Variants in ZNF567 observed in about 807,000 individuals in gnomAD.
ZNF567 encodes the protein zinc finger protein 567.
In ZNF567, 36 loss-of-function variants were observed where a neutral mutation model predicts 53.9. That is an observed-to-expected ratio of 0.67 (90% CI 0.51 to 0.88). The LOEUF (loss-of-function observed/expected upper bound fraction) is 0.88. ZNF567 is among the 40% of genes least tolerant of loss of function. The pLI is 0.00. For missense variants in ZNF567, 619 were observed against 764.7 expected (o/e 0.81, Z 2.25); for synonymous variants, 224 against 260.4 (o/e 0.86, Z 1.35).
chr19:36,705,360 G>A (rs998304208), intron 3 of ZNF567, among the ~76,000 whole-genome samples: 52 of 151,980 alleles, frequency 3.4e-4, no homozygotes, highest in African/African-American at 1.2e-3. Flanking sequence ...CTATTTAAAG[G>A]GCTCCCAAGT....
chr19:36,718,208 A>G (rs2040149264), intron 5 of ZNF567, among the ~76,000 whole-genome samples: 1 of 152,138 alleles, frequency 6.6e-6, no homozygotes, highest in African/African-American at 2.4e-5. Flanking sequence ...GTATAAAAGT[A>G]TTGGTGATCA....
intron 3 of ZNF567, among the ~76,000 whole-genome samples, chr19:36,700,788 T>C (rs1355307315): frequency 2.0e-5 from 3 of 152,246 alleles, no homozygotes; most frequent in Non-Finnish European, 2.9e-5. Context: ...TCATCTTTTA[T>C]TGCGTCTATT....
chr19:36,672,043 A>G, the ZNF567 span, among the ~76,000 whole-genome samples: 1 of 152,208 alleles, frequency 6.6e-6, no homozygotes, highest in African/African-American at 2.4e-5. Context: ...GAGGTAGAGA[A>G]GACTCAGGCC....
intron 3 of ZNF567, among the ~76,000 whole-genome samples, chr19:36,709,639 T>G (rs1305886392): frequency 1.3e-5 from 2 of 151,154 alleles, no homozygotes; most frequent in African/African-American, 4.9e-5. Context: ...CTATTAGCAT[T>G]TTTGATGGTG....
downstream of ZNF567, chr19:36,727,339 T>C (rs1030609445): frequency 6.6e-6 from 1 of 151,682 alleles, no homozygotes; most frequent in Admixed American, 6.6e-5. Context: ...CCCAAAGTGC[T>C]GGGATTACAG....
At chr19:36,697,929 T>C in intron 3 of ZNF567, among the ~76,000 whole-genome samples, 1 of 151,634 alleles carries the variant, frequency 6.6e-6, no homozygotes, top group African/African-American at 2.4e-5. Flanking sequence ...TTTTTTTTTT[T>C]TTTTTTTATT....
At position 36,720,255 on chromosome 19, in the gene ZNF567, G is replaced by A; in HGVS notation, c.1531G>A (p.Gly511Ser). The A allele has an allele frequency of 1.9e-6, 3 of 1,613,952 alleles. No individual in the cohort carries two copies. Among genetic ancestry groups the A allele is most frequent in the Non-Finnish European group, 2.5e-6 (3 of 1,179,960 alleles). ...GAAACCATATGAATGTAATGAATGTGGTAAATCATTCAGTCAAAAGACAAA... is the reference window on the plus strand; with the variant it reads ...GAAACCATATGAATGTAATGAATGTAGTAAATCATTCAGTCAAAAGACAAA... ...GEKPYECNEC[G>S]KSFSQKTNLN... The change falls in exon 6 of 6, where the codon GGT (glycine) becomes AGT (serine). Residue 511 changes from glycine (G) to serine (S), a missense_variant. Coordinates refer to ENST00000682579, the MANE Select transcript of ZNF567 (RefSeq NM_001322917.1).
downstream of ZNF567, among the ~76,000 whole-genome samples, chr19:36,725,483 G>A (rs2040331995): frequency 6.6e-6 from 1 of 152,168 alleles, no homozygotes; most frequent in South Asian, 2.1e-4. Context: ...GATCACAGGT[G>A]TAAGCCACTG....
chr19:36,689,234 AGAGT>A (rs949776479), intron 1 of ZNF567, among the ~76,000 whole-genome samples, 159 bp from the exon 2 acceptor site: 3 of 108,628 alleles, frequency 2.8e-5, no homozygotes, highest in Admixed American at 1.8e-4. Flanking sequence ...TTCCTATTTG[AGAGT>A]GTGTGTGTGT....
intron 2 of ZNF567, among the ~76,000 whole-genome samples, chr19:36,690,539 C>G (rs1050915087): frequency 6.6e-6 from 1 of 152,038 alleles, no homozygotes; most frequent in South Asian, 2.1e-4. Context: ...TGCAGTGAGC[C>G]GTGATCACAC....
At chr19:36,686,490 A>G (rs2038275209), upstream of ZNF567, 1 of 151,210 alleles carries the variant, frequency 6.6e-6, no homozygotes, top group African/African-American at 2.4e-5. Context: ...GGGAAAGGCC[A>G]GGGTCACTGA....
the ZNF567 span, among the ~76,000 whole-genome samples, chr19:36,674,087 T>A: frequency 6.6e-6 from 1 of 152,348 alleles, no homozygotes; most frequent in East Asian, 1.9e-4. Flanking sequence ...ACACTGTTTA[T>A]TCTCAAACAT....
At chr19:36,710,318 C>T (rs1362932398) in intron 3 of ZNF567, among the ~76,000 whole-genome samples, 1 of 119,456 alleles carries the variant, frequency 8.4e-6, no homozygotes, top group Non-Finnish European at 1.6e-5. Flanking sequence ...AATCTGACAT[C>T]AGGGCCCACT....
At chr19:36,686,722 T>A (rs1600479339), upstream of ZNF567, 1 of 152,412 alleles carries the variant, frequency 6.6e-6, no homozygotes, top group Non-Finnish European at 1.5e-5. Context: ...AGGTCTGTCC[T>A]TTTTCTGTTT....
chr19:36,672,453 G>T, the ZNF567 span, among the ~76,000 whole-genome samples: 7 of 152,170 alleles, frequency 4.6e-5, no homozygotes. Context: ...CCCATTCTGT[G>T]GATATCAGTC....
chr19:36,683,482 C>G (rs1470271164), upstream of ZNF567, among the ~76,000 whole-genome samples: 1 of 152,086 alleles, frequency 6.6e-6, no homozygotes, highest in Admixed American at 6.6e-5. Context: ...CTGAATGAAA[C>G]CTGTGCATGG....
At chr19:36,705,961 A>G (rs988590469) in intron 3 of ZNF567, among the ~76,000 whole-genome samples, 2 of 152,158 alleles carry the variant, frequency 1.3e-5, no homozygotes, top group African/African-American at 2.4e-5. Context: ...ATTGTATGGT[A>G]TCTTTGTTCT....
downstream of ZNF567, chr19:36,727,016 T>TTCTTTCTTTCTTTCTTTC (rs2040338314): frequency 2.7e-5 from 4 of 147,348 alleles, no homozygotes; most frequent in Non-Finnish European, 3.0e-5. Flanking sequence ...CTTTCCTTTT[T>TTCTTTCTTTCTTTCTTTC]TTTTTTCCTG....
At chr19:36,683,531 T>G (rs2038217882), upstream of ZNF567, among the ~76,000 whole-genome samples, 1 of 152,074 alleles carries the variant, frequency 6.6e-6, no homozygotes, top group African/African-American at 2.4e-5. Context: ...ACTGGATTGG[T>G]GGATTTAAAA....
Sources: allele counts gnomAD v4.1 joint callset (sites outside exome capture counted in the v4.1 genomes callset), GRCh38; gene constraint gnomAD v4.1.1; transcripts MANE v1.5; gene names NCBI Gene and HGNC (gene_info 2026-07-23, HGNC 2026-07-21).